The following RALGAPA2 variants were observed in gnomAD, a reference collection of about 807,000 sequenced individuals.
The protein encoded by RALGAPA2 is Ral GTPase activating protein catalytic subunit alpha 2.
A neutral mutation model predicts 230.4 loss-of-function variants in RALGAPA2; 139 were observed. The ratio of observed to expected loss-of-function variants is 0.60; its 90% CI spans 0.53 to 0.69. The LOEUF (loss-of-function observed/expected upper bound fraction) is 0.69, where lower values mean the gene tolerates loss of function less well. Ranked by LOEUF, RALGAPA2 falls within the 30% of genes least tolerant of loss-of-function variation. The probability of loss-of-function intolerance (pLI) is 0.00; values close to 1 mark genes in which losing one functional copy is unlikely to be tolerated. For missense variants in RALGAPA2, 2,163 were observed against 2,276.0 expected (o/e 0.95, Z 1.01); for synonymous variants, 847 against 837.8 (o/e 1.01, Z -0.19).
chr20:20,629,372 T>C lies in RALGAPA2; in HGVS notation c.1224A>G (p.Val408=), dbSNP rs1035870847. 9 of 1,579,192 alleles carry C rather than the reference T, an allele frequency of 5.7e-6. No homozygotes were observed. Among genetic ancestry groups the C allele is most frequent in the Non-Finnish European group, 7.8e-6 (9 of 1,159,490 alleles). Residue 408 remains valine (V), a synonymous_variant, in exon 10 of 40, where the codon GTA becomes GTG. Transcript: ENST00000202677. ...ACACACACACACTAACCTGGTGAAA[T>C]ACTTCATTCACGAAGTTGACATAAC... ...TRGYVNFVNE[V]FHQAFLLPSC... is the part of the protein sequence containing the mutation.
intron 37 of RALGAPA2, among the ~76,000 whole-genome samples, chr20:20,433,459 A>G (rs752901707): frequency 2.6e-5 from 4 of 152,210 alleles, no homozygotes; most frequent in East Asian, 1.9e-4. Flanking sequence ...CAGGCACAGG[A>G]TATCTCCAGA....
chr20:20,535,010 A>G (rs2063463375), intron 26 of RALGAPA2, among the ~76,000 whole-genome samples: 1 of 152,224 alleles, frequency 6.6e-6, no homozygotes, highest in Admixed American at 6.5e-5. Context: ...CAAAGAAATT[A>G]GACAAAATAC....
chr20:20,416,717 C>T (rs1033838401), intron 37 of RALGAPA2, among the ~76,000 whole-genome samples: 9 of 152,152 alleles, frequency 5.9e-5, no homozygotes, highest in Non-Finnish European at 1.2e-4. Context: ...TTTACTCATT[C>T]GGGCTATGTG....
intron 37 of RALGAPA2, among the ~76,000 whole-genome samples, chr20:20,470,308 T>A (rs752389397): frequency 2.6e-5 from 4 of 152,172 alleles, no homozygotes; most frequent in Non-Finnish European, 5.9e-5. Context: ...CATTTCCACT[T>A]CTAGTTAAAT....
chr20:20,665,758 T>C (rs145574167), intron 3 of RALGAPA2, among the ~76,000 whole-genome samples: 112 of 152,302 alleles, frequency 7.4e-4, no homozygotes, highest in African/African-American at 2.5e-3. Context: ...CATTTCACAA[T>C]CAAAATCAGA....
chr20:20,674,236 C>A (rs570092756), intron 3 of RALGAPA2, among the ~76,000 whole-genome samples: 2 of 150,892 alleles, frequency 1.3e-5, no homozygotes, highest in African/African-American at 4.8e-5. Flanking sequence ...ATTAGTCCAT[C>A]CAAAAATCTA....
rs1192486113 is a variant in RALGAPA2 at position 20,642,400 on chromosome 20, G to A, written c.372+1106C>T. On this transcript the variant is annotated intron_variant, in intron 5 of 39. Coordinates refer to ENST00000202677, the MANE Select transcript of RALGAPA2 (RefSeq NM_020343.4). ...TAATTTTTGTATTTTTAGTAGAGACGGGGTTTCACCATGTTGGCCAGGCTG... is the reference window on the plus strand; with the variant it reads ...TAATTTTTGTATTTTTAGTAGAGACAGGGTTTCACCATGTTGGCCAGGCTG... 5.9e-5 allele frequency among the ~76,000 whole-genome samples: 9 copies of A among 152,052 alleles called. No individual in the cohort carries two copies. The South Asian group carries it at 8.3e-4, about 14-fold the overall frequency.
chr20:20,448,112 G>A (rs1197245604), intron 37 of RALGAPA2, among the ~76,000 whole-genome samples: 2 of 152,140 alleles, frequency 1.3e-5, no homozygotes, highest in African/African-American at 4.8e-5. Context: ...GTTTGGATGG[G>A]GGTAAGTAAA....
intron 26 of RALGAPA2, 59 bp from the exon 27 acceptor site, chr20:20,531,854 T>C: frequency 8.0e-7 from 1 of 1,251,856 alleles, no homozygotes; most frequent in Non-Finnish European, 1.1e-6. Context: ...ACTTTCTCAG[T>C]ATTTTCAAAT....
At chr20:20,642,675 C>T (rs1245738844) in intron 5 of RALGAPA2, among the ~76,000 whole-genome samples, 1 of 152,016 alleles carries the variant, frequency 6.6e-6, no homozygotes, top group Non-Finnish European at 1.5e-5. Context: ...TAGGTTTTAA[C>T]TACAAGCCTA....
intron 36 of RALGAPA2, among the ~76,000 whole-genome samples, chr20:20,492,401 TTAAC>T (rs1259787988): frequency 3.9e-5 from 6 of 152,196 alleles, no homozygotes; most frequent in Non-Finnish European, 8.8e-5. Flanking sequence ...GGAATATTCC[TTAAC>T]TTCAAGCAGC....
chr20:20,537,268 A>G (rs2063521350), intron 24 of RALGAPA2, among the ~76,000 whole-genome samples: 1 of 152,186 alleles, frequency 6.6e-6, no homozygotes, highest in African/African-American at 2.4e-5. Flanking sequence ...ATGAGATACT[A>G]TATCACTATA....
At chr20:20,482,221 G>C (rs1256011346) in intron 36 of RALGAPA2, among the ~76,000 whole-genome samples, 1 of 152,164 alleles carries the variant, frequency 6.6e-6, no homozygotes, top group African/African-American at 2.4e-5. Context: ...TGCATCATTT[G>C]ATCAAAGTTC....
At chr20:20,701,521 G>A (rs1240143727) in intron 1 of RALGAPA2, among the ~76,000 whole-genome samples, 1 of 151,410 alleles carries the variant, frequency 6.6e-6, no homozygotes, top group Non-Finnish European at 1.5e-5. Context: ...GGCAGATCAC[G>A]AGGTCAGGAG....
At chr20:20,702,969 T>C (rs2069449417) in intron 1 of RALGAPA2, among the ~76,000 whole-genome samples, 2 of 152,092 alleles carry the variant, frequency 1.3e-5, no homozygotes, top group Non-Finnish European at 2.9e-5. Flanking sequence ...GGCGAGGATT[T>C]CAAGACCAGC....
chr20:20,457,030 T>C (rs1288250222), intron 37 of RALGAPA2, among the ~76,000 whole-genome samples: 1 of 152,178 alleles, frequency 6.6e-6, no homozygotes, highest in Non-Finnish European at 1.5e-5. Flanking sequence ...GAGAAGACAA[T>C]GTTAGGACTT....
chr20:20,554,252 A>G (rs1378825601), intron 23 of RALGAPA2, among the ~76,000 whole-genome samples: 1 of 152,174 alleles, frequency 6.6e-6, no homozygotes, highest in Non-Finnish European at 1.5e-5. Flanking sequence ...ATCTTACTAT[A>G]TATATGGCAT....
rs1175677863 is a variant in RALGAPA2 at position 20,635,534 on chromosome 20, T to C, written c.889A>G (p.Met297Val). 5.0e-6 allele frequency: 8 copies of C among 1,595,474 alleles called. No homozygotes were observed. The highest frequency in any genetic ancestry group is 1.8e-5 in the Admixed American group (1 of 55,338). The change falls in exon 9 of 40, where the codon ATG becomes GTG. Residue 297 changes from methionine (M) to valine (V), a missense_variant. Transcript: ENST00000202677. ...ENIYSTKIPYMAARVVFIKWI... is the reference protein window; with the variant it reads ...ENIYSTKIPYVAARVVFIKWI... ...TTAATAAAAACAACACGAGCTGCCA[T>C]ATATGGAATCTTTGTACTGTAAATG...
At chr20:20,607,383 A>G (rs995144023) in intron 14 of RALGAPA2, among the ~76,000 whole-genome samples, 5 of 152,186 alleles carry the variant, frequency 3.3e-5, no homozygotes, top group African/African-American at 1.2e-4. Flanking sequence ...TTAATTATAT[A>G]AAAAACAAGA....
Sources: allele counts gnomAD v4.1 joint callset (sites outside exome capture counted in the v4.1 genomes callset), GRCh38; gene constraint gnomAD v4.1.1; transcripts MANE v1.5; gene names NCBI Gene and HGNC (gene_info 2026-07-23, HGNC 2026-07-21).